KALRN: variants seen among roughly 807,000 people sequenced by gnomAD.
KALRN encodes kalirin RhoGEF kinase.
In KALRN, 70 loss-of-function variants were observed where a neutral mutation model predicts 353.7. The ratio of observed to expected loss-of-function variants is 0.20; its 90% CI spans 0.16 to 0.24. The LOEUF is 0.24. Ranked by LOEUF, KALRN falls within the 10% of genes least tolerant of loss-of-function variation. The pLI is 1.00. For missense variants in KALRN, 2,791 were observed against 3,756.7 expected, an observed-to-expected ratio of 0.74 and a Z score of 6.72; for synonymous variants, 1,391 against 1,434.8, an observed-to-expected ratio of 0.97 and a Z score of 0.69.
At chr3:124,349,416 C>G (rs2082613843) in intron 10 of KALRN, among the ~76,000 whole-genome samples, 1 of 152,154 alleles carries the variant, frequency 6.6e-6, no homozygotes, top group African/African-American at 2.4e-5. Flanking sequence ...CGGCCCAACA[C>G]AAATTGGTAA....
intron 10 of KALRN, among the ~76,000 whole-genome samples, chr3:124,381,856 A>C (rs769699732): frequency 3.3e-5 from 5 of 152,194 alleles, no homozygotes; most frequent in Non-Finnish European, 7.3e-5. Context: ...ATGGAGATAC[A>C]TTGTTACTAT....
chr3:124,512,951 G>A (rs1487189332), intron 33 of KALRN, among the ~76,000 whole-genome samples: 2 of 152,140 alleles, frequency 1.3e-5, no homozygotes, highest in Non-Finnish European at 2.9e-5. Flanking sequence ...TCAGATAGTT[G>A]CTGGGGTCCA....
chr3:124,397,102 T>C (rs553147273), intron 12 of KALRN, among the ~76,000 whole-genome samples: 10 of 152,314 alleles, frequency 6.6e-5, no homozygotes, highest in African/African-American at 2.4e-4. Context: ...CATAAAATGG[T>C]CCAAAATCTT....
chr3:124,232,540 T>A (rs1293728594), intron 2 of KALRN, among the ~76,000 whole-genome samples: 1 of 152,192 alleles, frequency 6.6e-6, no homozygotes, highest in East Asian at 1.9e-4. Flanking sequence ...CCCCGCCTTA[T>A]GCCTTCCCTG....
chr3:124,680,358 C>T (rs1007533669), intron 51 of KALRN, among the ~76,000 whole-genome samples: 3 of 152,238 alleles, frequency 2.0e-5, no homozygotes, highest in African/African-American at 4.8e-5. Context: ...ACGTGGCTTG[C>T]CACTGAGTAA....
At chr3:124,370,712 A>G (rs546776290) in intron 10 of KALRN, among the ~76,000 whole-genome samples, 1 of 152,354 alleles carries the variant, frequency 6.6e-6, no homozygotes, top group African/African-American at 2.4e-5. Flanking sequence ...TAAAATCTCC[A>G]TTAAAAACTC....
Position 124,455,022 on chromosome 3 carries a change from G to A in KALRN, c.3553-155G>A, listed in dbSNP as rs140126631. The A allele has an allele frequency of 6.0e-3, 4,097 of 687,884 alleles. 18 individuals carry two copies. Among genetic ancestry groups the A allele is most frequent in the Non-Finnish European group, 8.2e-3 (3,353 of 411,226 alleles). 42.6% of individuals were successfully genotyped at this position (687,884 alleles called of 1,614,324 possible). ...CACAGAGGGTTTCAATAACTTGCTCGAGATCTCCCAGTTAGTAGTAACAAA... is the reference window on the plus strand; with the variant it reads ...CACAGAGGGTTTCAATAACTTGCTCAAGATCTCCCAGTTAGTAGTAACAAA... On this transcript the variant is annotated intron_variant, in intron 21 of 59. Transcript: ENST00000682506.
At chr3:124,565,366 T>C (rs987339222) in intron 34 of KALRN, among the ~76,000 whole-genome samples, 1 of 152,192 alleles carries the variant, frequency 6.6e-6, no homozygotes, top group Non-Finnish European at 1.5e-5. Flanking sequence ...CTCAGGAATC[T>C]GGTTCCGCTT....
chr3:124,659,770 A>G (rs190414667), intron 43 of KALRN, among the ~76,000 whole-genome samples: 1 of 152,136 alleles, frequency 6.6e-6, no homozygotes, highest in Admixed American at 6.5e-5. Context: ...TAAGAAGAAT[A>G]TGATATCAGA....
chr3:124,614,356 C>T (rs1403835955), intron 34 of KALRN, among the ~76,000 whole-genome samples: 2 of 151,560 alleles, frequency 1.3e-5, no homozygotes, highest in African/African-American at 4.8e-5. Flanking sequence ...GCAGCCTCGA[C>T]CTTCCGGGCT....
intron 1 of KALRN, among the ~76,000 whole-genome samples, chr3:124,184,146 T>C (rs1286030768): frequency 6.6e-6 from 1 of 152,184 alleles, no homozygotes; most frequent in Non-Finnish European, 1.5e-5. Context: ...AAGAGCATAG[T>C]GTGAGCACTT....
intron 51 of KALRN, among the ~76,000 whole-genome samples, chr3:124,685,779 C>G (rs944941193): frequency 1.3e-5 from 2 of 152,180 alleles, no homozygotes; most frequent in Non-Finnish European, 2.9e-5. Context: ...CATAGTCACT[C>G]AGCACGCCCT....
At chr3:124,713,204 G>A in intron 58 of KALRN, 69 bp downstream of exon 58, 2 of 1,337,266 alleles carry the variant, frequency 1.5e-6, no homozygotes, top group East Asian at 4.7e-5. Context: ...CACAATTAAT[G>A]GAAAAGACAG....
At chr3:124,443,204 AT>A (rs1156591734) in intron 19 of KALRN, among the ~76,000 whole-genome samples, 2 of 152,206 alleles carry the variant, frequency 1.3e-5, no homozygotes, top group Non-Finnish European at 2.9e-5. Context: ...AACTTAAATC[AT>A]TATCTGTGGA....
At chr3:124,149,596 A>G (rs1004762379) in intron 1 of KALRN, among the ~76,000 whole-genome samples, 5 of 152,200 alleles carry the variant, frequency 3.3e-5, no homozygotes, top group African/African-American at 1.2e-4. Context: ...AATATGTTCT[A>G]TCCATGCTAT....
chr3:124,596,955 G>A (rs567809516), intron 34 of KALRN, among the ~76,000 whole-genome samples: 23 of 152,196 alleles, frequency 1.5e-4, no homozygotes, highest in East Asian at 7.7e-4. Context: ...AGACTGAGGC[G>A]TGAGAATCCT....
intron 1 of KALRN, among the ~76,000 whole-genome samples, chr3:124,118,795 C>T (rs1347931715): frequency 1.3e-5 from 2 of 152,230 alleles, no homozygotes; most frequent in East Asian, 3.8e-4. Context: ...ATTTAATTGT[C>T]ACAACTCTGG....
chr3:124,675,814 A>G (rs1204925077), intron 49 of KALRN, among the ~76,000 whole-genome samples: 2 of 152,068 alleles, frequency 1.3e-5, no homozygotes, highest in East Asian at 3.9e-4. Context: ...CTGCATAGTA[A>G]TCCATGGAAG....
chr3:124,182,616 A>G (rs1410913054), intron 1 of KALRN, among the ~76,000 whole-genome samples: 1 of 152,236 alleles, frequency 6.6e-6, no homozygotes, highest in Non-Finnish European at 1.5e-5. Flanking sequence ...GAAGCAAGCT[A>G]CAAAGCCAGT....
Sources: gnomAD v4.1 joint callset for allele counts (sites outside exome capture counted in the v4.1 genomes callset) on GRCh38, gnomAD v4.1.1 for gene constraint, MANE v1.5 for transcripts, NCBI Gene and HGNC (gene_info 2026-07-23, HGNC 2026-07-21) for gene names.